The following CLMN variants were observed in gnomAD, a reference collection of about 807,000 sequenced individuals.
CLMN encodes the protein calmin.
In CLMN, 57 loss-of-function variants were observed where a neutral mutation model predicts 92.7. The observed-to-expected ratio is 0.61, with a 90% CI of 0.50 to 0.77. The LOEUF (loss-of-function observed/expected upper bound fraction) is 0.77, where lower values mean the gene tolerates loss of function less well. Among genes scored for constraint, CLMN ranks in the 30% least tolerant of loss-of-function variants. The pLI, the probability that CLMN is intolerant of heterozygous loss-of-function variation, is 0.00. For missense variants in CLMN, 1,158 were observed against 1,237.5 expected (o/e 0.94, Z 0.96); for synonymous variants, 466 against 470.6 (o/e 0.99, Z 0.13).
At chr14:95,244,985 GTA>G (rs534604524) in intron 1 of CLMN, among the ~76,000 whole-genome samples, 1 of 96,178 alleles carries the variant, frequency 1.0e-5, no homozygotes, top group African/African-American at 4.2e-5. Context: ...ACATATATGT[GTA>G]TACACACACA....
intron 1 of CLMN, among the ~76,000 whole-genome samples, chr14:95,238,979 A>G (rs1898152971): frequency 6.6e-6 from 1 of 152,252 alleles, no homozygotes. Flanking sequence ...TAACTAAAAT[A>G]GAAAAATAAA....
chr14:95,204,406 T>C lies in CLMN; in HGVS notation c.943A>G (p.Lys315Glu). The part of the protein sequence containing the change: ...VPIESTFVRI[K>E]ETPSEQESKV... ...CTCTCCTGTTCAGAAGGAGTTTCTT[T>C]GATGCGAACAAAAGTGGATTCGATA... Residue 315 changes from lysine (K) to glutamate (E), a missense_variant, in exon 9 of 13, where the codon AAA (lysine) becomes GAA (glutamate). Coordinates refer to ENST00000298912, the MANE Select transcript of CLMN (RefSeq NM_024734.4). 6.2e-7 allele frequency: 1 copy of C among 1,613,326 alleles called. No homozygotes were observed.
chr14:95,241,867 C>T lies in CLMN; in HGVS notation c.83-11734G>A, dbSNP rs142633500. On this transcript the variant is annotated intron_variant, in intron 1 of 12. Transcript: ENST00000298912. Reference sequence around the variant, plus strand: ...TGTGTGTATATGGAACACACACGCACGCACACTCTCGCCGTAATGTCAACC... The same window carrying T: ...TGTGTGTATATGGAACACACACGCATGCACACTCTCGCCGTAATGTCAACC... 5.8e-4 allele frequency among the ~76,000 whole-genome samples: 89 copies of T among 152,200 alleles called. 2 individuals are homozygous for T. The Middle Eastern group carries it at 0.017, about 29-fold the overall frequency.
intron 1 of CLMN, among the ~76,000 whole-genome samples, chr14:95,317,599 GAA>G (rs371392935): frequency 7.6e-5 from 10 of 131,614 alleles, no homozygotes; most frequent in Non-Finnish European, 1.3e-4. Flanking sequence ...ACAATGCTGG[GAA>G]AAAAAAAAAA....
intron 1 of CLMN, among the ~76,000 whole-genome samples, chr14:95,261,700 C>T (rs1360283629): frequency 6.6e-6 from 1 of 152,214 alleles, no homozygotes; most frequent in Non-Finnish European, 1.5e-5. Flanking sequence ...CAACTGCTGT[C>T]GGGAAGGATG....
intron 8 of CLMN, 81 bp from the exon 9 acceptor site, chr14:95,204,544 G>C (rs1595564920): frequency 7.7e-7 from 1 of 1,299,870 alleles, no homozygotes; most frequent in South Asian, 1.6e-5. Flanking sequence ...ACATGAGTAA[G>C]AAGAATATTT....
In CLMN at chr14:95,235,204, A is replaced by T. The variant is rs142200418; in HGVS notation, c.83-5071T>A. 5.9e-4 allele frequency among the ~76,000 whole-genome samples: 90 copies of T among 152,328 alleles called. 3 individuals carry two copies. In the Middle Eastern group the frequency reaches 0.037, roughly 63 times the overall value. On this transcript the variant is annotated intron_variant, in intron 1 of 12. Coordinates refer to ENST00000298912, the MANE Select transcript of CLMN (RefSeq NM_024734.4). ...TCAGTAAATGGCTCAGAGTTTCTCA[A>T]CGTGTGGCCCACATGGGTCACTAAC...
intron 4 of CLMN, among the ~76,000 whole-genome samples, chr14:95,217,174 A>G (rs2140607420): frequency 6.6e-6 from 1 of 152,388 alleles, no homozygotes; most frequent in Admixed American, 6.5e-5. Context: ...GAGAAAGTCA[A>G]GATACACTAT....
At chr14:95,242,819 G>C (rs1381327695) in intron 1 of CLMN, among the ~76,000 whole-genome samples, 1 of 151,428 alleles carries the variant, frequency 6.6e-6, no homozygotes, top group Non-Finnish European at 1.5e-5. Flanking sequence ...CGCCCACCTT[G>C]GCCTCCCAAA....
intron 4 of CLMN, among the ~76,000 whole-genome samples, chr14:95,219,117 C>G (rs1897445639): frequency 6.6e-6 from 1 of 152,182 alleles, no homozygotes; most frequent in Admixed American, 6.5e-5. Context: ...CTGTCTGTCT[C>G]CAATGCTGAG....
At chr14:95,297,480 C>G (rs1399253925) in intron 1 of CLMN, among the ~76,000 whole-genome samples, 1 of 152,200 alleles carries the variant, frequency 6.6e-6, no homozygotes, top group Non-Finnish European at 1.5e-5. Context: ...TTCCATCACT[C>G]CCAAAATTCC....
At chr14:95,283,765 G>A (rs1415400102) in intron 1 of CLMN, among the ~76,000 whole-genome samples, 1 of 152,218 alleles carries the variant, frequency 6.6e-6, no homozygotes, top group African/African-American at 2.4e-5. Flanking sequence ...GCATTCAAGA[G>A]GTGACTTGGG....
At chr14:95,258,409 GGT>G (rs1899098655) in intron 1 of CLMN, among the ~76,000 whole-genome samples, 1 of 150,516 alleles carries the variant, frequency 6.6e-6, no homozygotes, top group African/African-American at 2.4e-5. Flanking sequence ...TGATCTGTGT[GGT>G]GTGTGTAGAG....
chr14:95,213,477 G>A (rs978402123), intron 5 of CLMN, 68 bp from the exon 6 acceptor site: 31 of 1,478,628 alleles, frequency 2.1e-5, no homozygotes, highest in African/African-American at 2.8e-5. Context: ...CTTGTCTGGC[G>A]GGTGGCCATA....
At chr14:95,225,597 G>A (rs1272012878) in intron 2 of CLMN, among the ~76,000 whole-genome samples, 1 of 152,222 alleles carries the variant, frequency 6.6e-6, no homozygotes, top group Admixed American at 6.5e-5. Context: ...CAGTGGAAGG[G>A]AGATGTCCTC....
chr14:95,234,092 C>G (rs572688523), intron 1 of CLMN, among the ~76,000 whole-genome samples: 2 of 152,338 alleles, frequency 1.3e-5, no homozygotes, highest in South Asian at 2.1e-4. Flanking sequence ...TTCAGCGCCA[C>G]GCACCACTGG....
Position 95,188,623 on chromosome 14 carries a change from T to C in CLMN, c.*2941A>G, listed in dbSNP as rs1185601607. On this transcript the variant is annotated 3_prime_UTR_variant, in exon 13 of 13. Transcript: ENST00000298912. ...AAGAATGTAAATAATCACAAGAAAA[T>C]TTAAGAAATTTCCCATGAAGGCCCA... is the stretch of plus-strand genomic sequence containing the variant. 1.3e-5 allele frequency: 2 copies of C among 151,438 alleles called. No individual in the cohort carries two copies. The highest frequency in any genetic ancestry group is 2.9e-5 in the Non-Finnish European group (2 of 67,908). 9.4% of individuals were successfully genotyped at this position (151,438 alleles called of 1,614,324 possible).
At chr14:95,263,035 A>T (rs1899321056) in intron 1 of CLMN, among the ~76,000 whole-genome samples, 1 of 152,216 alleles carries the variant, frequency 6.6e-6, no homozygotes, top group African/African-American at 2.4e-5. Flanking sequence ...GTGCCACCCA[A>T]ACCAACTGCC....
intron 1 of CLMN, among the ~76,000 whole-genome samples, chr14:95,253,616 T>C (rs868474336): frequency 5.9e-5 from 7 of 119,082 alleles, no homozygotes; most frequent in Admixed American, 3.8e-4. Context: ...TTTGTTTTTT[T>C]GTTTTTTTTT....
Sources: gnomAD v4.1 joint callset for allele counts (sites outside exome capture counted in the v4.1 genomes callset) on GRCh38, gnomAD v4.1.1 for gene constraint, MANE v1.5 for transcripts, NCBI Gene and HGNC (gene_info 2026-07-23, HGNC 2026-07-21) for gene names.